The following ARRDC1 variants were observed in gnomAD, a reference collection of about 807,000 sequenced individuals.
The protein encoded by ARRDC1 is arrestin domain containing 1.
ARRDC1 carries 37 observed loss-of-function variants against 40.1 expected under a neutral mutation model. The observed-to-expected ratio is 0.92, with a 90% CI of 0.71 to 1.21. ARRDC1 has a LOEUF of 1.21. Among genes scored for constraint, ARRDC1 ranks in the 50% most tolerant of loss-of-function variants. ARRDC1 has a pLI of 0.00. For missense variants in ARRDC1, 641 were observed against 581.9 expected, an observed-to-expected ratio of 1.10 and a Z score of -1.04; for synonymous variants, 310 against 262.5, an observed-to-expected ratio of 1.18 and a Z score of -1.75.
intron 1 of ARRDC1, among the ~76,000 whole-genome samples, chr9:137,608,883 C>T (rs565130398): frequency 6.0e-4 from 92 of 152,332 alleles, no homozygotes; most frequent in Middle Eastern, 3.4e-3. Context: ...CTGGCAGAGT[C>T]ATCTCAAAGA....
At chr9:137,610,464 C>T (rs1378014580) in intron 1 of ARRDC1, among the ~76,000 whole-genome samples, 1 of 152,076 alleles carries the variant, frequency 6.6e-6, no homozygotes, top group Non-Finnish European at 1.5e-5. Flanking sequence ...TGTGCGATCT[C>T]AGCTCACTGC....
At chr9:137,613,570 G>C in intron 3 of ARRDC1, 45 bp from the exon 4 acceptor site, 1 of 1,614,064 alleles carries the variant, frequency 6.2e-7, no homozygotes, top group Non-Finnish European at 8.5e-7. Context: ...GGTGGGCTCT[G>C]CAGGGTGGAA....
intron 2 of ARRDC1, 78 bp downstream of exon 2, chr9:137,613,084 C>A: frequency 9.0e-7 from 1 of 1,110,064 alleles, no homozygotes; most frequent in Non-Finnish European, 1.3e-6. Context: ...CCTGTCCTCC[C>A]CCTTTCCTAG....
At chr9:137,606,042 G>C (rs564725780) in intron 1 of ARRDC1, among the ~76,000 whole-genome samples, 1 of 151,792 alleles carries the variant, frequency 6.6e-6, no homozygotes, top group South Asian at 2.1e-4. Context: ...CTCTCGCCGA[G>C]GGGCGGCGGG....
chr9:137,613,799 G>C (rs1172000145), intron 4 of ARRDC1, 30 bp downstream of exon 4: 1 of 1,611,986 alleles, frequency 6.2e-7, no homozygotes. Flanking sequence ...CTCCTTGGTG[G>C]GTCCCCACCC....
intron 1 of ARRDC1, among the ~76,000 whole-genome samples, chr9:137,606,154 C>T (rs932981029): frequency 6.6e-6 from 1 of 151,850 alleles, no homozygotes; most frequent in African/African-American, 2.4e-5. Flanking sequence ...CTGCTGGGCT[C>T]CTTCCCGCAC....
At chr9:137,606,461 C>A (rs978255658) in intron 1 of ARRDC1, among the ~76,000 whole-genome samples, 1 of 152,262 alleles carries the variant, frequency 6.6e-6, no homozygotes, top group Non-Finnish European at 1.5e-5. Flanking sequence ...ACCTTGGCCT[C>A]CTGTGGGAAC....
chr9:137,607,885 C>A (rs1842450331), intron 1 of ARRDC1, among the ~76,000 whole-genome samples: 1 of 152,310 alleles, frequency 6.6e-6, no homozygotes, highest in Non-Finnish European at 1.5e-5. Context: ...AGAACGCAGC[C>A]CAGTCATGAT....
At chr9:137,613,243 C>G (rs1204130350) in intron 2 of ARRDC1, 7 of 741,910 alleles carry the variant, frequency 9.4e-6, no homozygotes, top group Non-Finnish European at 1.6e-5. Flanking sequence ...CTGTTTCACC[C>G]TTGCCCCATT....
At chr9:137,610,345 T>C (rs1441271055) in intron 1 of ARRDC1, among the ~76,000 whole-genome samples, 1 of 152,170 alleles carries the variant, frequency 6.6e-6, no homozygotes, top group Non-Finnish European at 1.5e-5. Flanking sequence ...TACGGGTTAG[T>C]CTGGGGACCA....
intron 1 of ARRDC1, among the ~76,000 whole-genome samples, chr9:137,608,768 C>T (rs937632845): frequency 2.0e-5 from 3 of 152,268 alleles, no homozygotes; most frequent in Admixed American, 6.5e-5. Flanking sequence ...AGGGAAGCAG[C>T]TGGCAGCTGT....
At position 137,613,445 on chromosome 9, in the gene ARRDC1, CTCCT is replaced by C. The variant is rs1401546535; in HGVS notation, c.230-14_230-11del. On this transcript the variant is annotated splice_polypyrimidine_tract_variant and intron_variant, in intron 2 of 7. Transcript: ENST00000371421. ...CAGGGGGGGACTGCCCCCCACCTCC[CTCCT>C]GTCTCTGCAGGGAGCCTGCCCGCTG... 6.2e-7 allele frequency: 1 copy of C among 1,609,582 alleles called. No individual in the cohort carries two copies. The highest frequency in any genetic ancestry group is 8.5e-7 in the Non-Finnish European group (1 of 1,179,402).
At chr9:137,613,228 C>G (rs962088457) in intron 2 of ARRDC1, 4 of 736,900 alleles carry the variant, frequency 5.4e-6, no homozygotes, top group Non-Finnish European at 9.4e-6. Flanking sequence ...TGACCCCTGG[C>G]ACAGCTGTTT....
At position 137,614,773 on chromosome 9, in the gene ARRDC1, A is replaced by G; in HGVS notation, c.1010A>G (p.Lys337Arg). The G allele has an allele frequency of 1.9e-6, 3 of 1,611,676 alleles. No individual in the cohort carries two copies. The highest frequency in any genetic ancestry group is 2.5e-6 in the Non-Finnish European group (3 of 1,178,964). ...HFLDPVFLST[K>R]SHSQRQPLLA... ...TTGGACCCCGTCTTCCTCTCCACCA[A>G]GAGCCATTCGCAGCGGCAGCCCCTG... Residue 337 changes from lysine (K) to arginine (R), a missense_variant, in exon 7 of 8, where the codon AAG becomes AGG. Coordinates refer to ENST00000371421, the MANE Select transcript of ARRDC1 (RefSeq NM_152285.4).
At position 137,614,105 on chromosome 9, in the gene ARRDC1, C is replaced by T; in HGVS notation, c.509C>T (p.Ala170Val). ...AAGACGGGCAGCGTGGTCCTCACAGCCAGCACTGATCTCCGCGGCTATGTG... is the reference window on the plus strand; with the variant it reads ...AAGACGGGCAGCGTGGTCCTCACAGTCAGCACTGATCTCCGCGGCTATGTG... ...LVKTGSVVLT[A>V]STDLRGYVVG... Residue 170 changes from alanine (A) to valine (V), a missense_variant, in exon 5 of 8, where the codon GCC becomes GTC. Ala to Val is a moderately conservative substitution (Grantham distance 64). Coordinates refer to ENST00000371421, the MANE Select transcript of ARRDC1 (RefSeq NM_152285.4). 1.2e-6 allele frequency: 2 copies of T among 1,613,864 alleles called. No individual in the cohort carries two copies. The highest frequency in any genetic ancestry group is 1.7e-6 in the Non-Finnish European group (2 of 1,179,990).
rs1842606992 is a variant in ARRDC1 at position 137,614,203 on chromosome 9, A to G, written c.607A>G (p.Ser203Gly). 3.8e-6 allele frequency: 6 copies of G among 1,596,030 alleles called. No homozygotes were observed. Among genetic ancestry groups the G allele is most frequent in the Non-Finnish European group, 5.1e-6 (6 of 1,167,672 alleles). ...SGKDTSPVVA[S>G]LLQKVSYKAK... Reference sequence around the variant, plus strand: ...CAAGGACACCAGCCCTGTGGTGGCCAGTCTGCTGCAGGTCAGAGCCCCCGC... The same window carrying G: ...CAAGGACACCAGCCCTGTGGTGGCCGGTCTGCTGCAGGTCAGAGCCCCCGC... Residue 203 changes from serine (S) to glycine (G), a missense_variant, in exon 5 of 8, where the codon AGT (serine) becomes GGT (glycine). Ser to Gly is a moderately conservative substitution (Grantham distance 56, BLOSUM62 0). Coordinates refer to ENST00000371421, the MANE Select transcript of ARRDC1 (RefSeq NM_152285.4).
chr9:137,609,064 C>T (rs1842469661), intron 1 of ARRDC1, among the ~76,000 whole-genome samples: 1 of 152,150 alleles, frequency 6.6e-6, no homozygotes, highest in Non-Finnish European at 1.5e-5. Context: ...GCGTGTGAGG[C>T]TCCCGGTTAA....
At position 137,614,424 on chromosome 9, in the gene ARRDC1, C is replaced by G. The variant is rs1309469247; in HGVS notation, c.744C>G (p.Pro248=). ...AGCAGATCCTGGTGCCTGCCTTGCCCCAGTCGGCCCTGCCGGGCTGCAGCC... is the reference window on the plus strand; with the variant it reads ...AGCAGATCCTGGTGCCTGCCTTGCCGCAGTCGGCCCTGCCGGGCTGCAGCC... ...WHEQILVPAL[P]QSALPGCSLI... Residue 248 remains proline, a synonymous_variant, in exon 6 of 8, where the codon CCC becomes CCG. Coordinates refer to ENST00000371421, the MANE Select transcript of ARRDC1 (RefSeq NM_152285.4). 6.2e-7 allele frequency: 1 copy of G among 1,613,294 alleles called. No homozygotes were observed. Among genetic ancestry groups the G allele is most frequent in the Non-Finnish European group, 8.5e-7 (1 of 1,179,942 alleles).
chr9:137,615,271 C>G lies in ARRDC1; in HGVS notation c.*133C>G, dbSNP rs114986132. Reference sequence around the variant, plus strand: ...AGCCTCTGCCAGCTCCTCTGGCATCCGCCCTCTTCTCCCTGGGGCTGGGGT... The same window carrying G: ...AGCCTCTGCCAGCTCCTCTGGCATCGGCCCTCTTCTCCCTGGGGCTGGGGT... On this transcript the variant is annotated 3_prime_UTR_variant, in exon 8 of 8. Coordinates refer to ENST00000371421, the MANE Select transcript of ARRDC1 (RefSeq NM_152285.4). 13 of 852,834 alleles carry G rather than the reference C, an allele frequency of 1.5e-5. No homozygotes were observed. The African/African-American group carries it at 2.1e-4, about 14-fold the overall frequency. 52.8% of individuals were successfully genotyped at this position (852,834 alleles called of 1,614,324 possible). A position where few individuals can be genotyped will look rare whatever the true frequency, so the allele number is the denominator to read the frequency against.
Sources: gnomAD v4.1 joint callset for allele counts (sites outside exome capture counted in the v4.1 genomes callset) on GRCh38, gnomAD v4.1.1 for gene constraint, MANE v1.5 for transcripts, NCBI Gene and HGNC (gene_info 2026-07-23, HGNC 2026-07-21) for gene names.